FBXO42: variants seen among roughly 807,000 people sequenced by gnomAD.
FBXO42 encodes F-box only protein 42.
FBXO42 carries 12 observed loss-of-function variants against 71.7 expected under a neutral mutation model. The observed-to-expected ratio is 0.17, with a 90% CI of 0.11 to 0.27. FBXO42 has a LOEUF of 0.27. Ranked by LOEUF, FBXO42 falls within the 10% of genes least tolerant of loss-of-function variation. FBXO42 has a pLI of 1.00. For missense variants in FBXO42, 707 were observed against 911.9 expected, an observed-to-expected ratio of 0.78 and a Z score of 2.89; for synonymous variants, 325 against 327.5, an observed-to-expected ratio of 0.99 and a Z score of 0.08.
intron 4 of FBXO42, among the ~76,000 whole-genome samples, chr1:16,275,877 G>A (rs1397662306): frequency 6.6e-6 from 1 of 151,858 alleles, no homozygotes; most frequent in Non-Finnish European, 1.5e-5. Context: ...GTGGTGGTAC[G>A]TGCTTGTAAT....
At chr1:16,302,061 C>T (rs1264658827) in intron 3 of FBXO42, among the ~76,000 whole-genome samples, 1 of 152,044 alleles carries the variant, frequency 6.6e-6, no homozygotes, top group African/African-American at 2.4e-5. Flanking sequence ...CTCTCTCACA[C>T]AGATAATAAT....
intron 1 of FBXO42, among the ~76,000 whole-genome samples, chr1:16,326,040 G>GTGTGTGTGTGTGTGTGTGTC (rs766515532): frequency 1.1e-3 from 171 of 150,240 alleles, no homozygotes; most frequent in Non-Finnish European, 1.6e-3. Flanking sequence ...GTGTGTGTGT[G>GTGTGTGTGTGTGTGTGTGTC]TGTGTGTGTC....
rs1405266613 is a variant in FBXO42 at position 16,248,509 on chromosome 1, G to C, written c.*2161C>G. On this transcript the variant is annotated 3_prime_UTR_variant, in exon 10 of 10. Transcript: ENST00000375592. ...AGGAAGGCCACAGGACTAAGGGAAAGACTGTAAGGTTGAGATTCTGTACTT... is the reference window on the plus strand; with the variant it reads ...AGGAAGGCCACAGGACTAAGGGAAACACTGTAAGGTTGAGATTCTGTACTT... The C allele has an allele frequency of 6.6e-6, 1 of 152,186 alleles. No homozygotes were observed. Among genetic ancestry groups the C allele is most frequent in the Non-Finnish European group, 1.5e-5 (1 of 68,038 alleles). 9.4% of individuals were successfully genotyped at this position (152,186 alleles called of 1,614,324 possible).
chr1:16,306,695 TTTTG>T (rs947054878), intron 2 of FBXO42, among the ~76,000 whole-genome samples: 32 of 151,770 alleles, frequency 2.1e-4, no homozygotes, highest in Admixed American at 1.9e-3. Flanking sequence ...ATTGATTATG[TTTTG>T]TTTATTTATT....
At position 16,251,899 on chromosome 1, in the gene FBXO42, A is replaced by G. The variant is rs2081596188; in HGVS notation, c.1039-114T>C. 6.0e-6 allele frequency: 8 copies of G among 1,323,752 alleles called. No individual in the cohort carries two copies. Among genetic ancestry groups the G allele is most frequent in the Non-Finnish European group, 8.2e-6 (8 of 978,202 alleles). The allele number at this position is 1,323,752 out of a possible 1,614,324, so 82.0% of individuals were successfully genotyped here. On this transcript the variant is annotated intron_variant, in intron 9 of 9. Transcript: ENST00000375592. This position sits in a 1 kb window ranked among gnomAD's most constrained non-coding sequence, Gnocchi z 4.5. ...GTGCCAGACATTTTGTAGGTACCTG[A>G]GATATGAAGATGAAAATGATGTAGT...
At chr1:16,290,719 A>T (rs745377335) in intron 4 of FBXO42, among the ~76,000 whole-genome samples, 2 of 150,446 alleles carry the variant, frequency 1.3e-5, no homozygotes, top group Non-Finnish European at 3.0e-5. Flanking sequence ...GCCAGAGCTC[A>T]CTCTCTGCTA....
chr1:16,336,643 C>T (rs1258869219), intron 1 of FBXO42, among the ~76,000 whole-genome samples: 1 of 151,804 alleles, frequency 6.6e-6, no homozygotes, highest in African/African-American at 2.4e-5. Context: ...AGGCATGAGC[C>T]ACTGTCCCTA....
At chr1:16,291,155 CCCTCCCCT>C (rs2082073460) in intron 4 of FBXO42, among the ~76,000 whole-genome samples, 1 of 152,140 alleles carries the variant, frequency 6.6e-6, no homozygotes, top group African/African-American at 2.4e-5. Context: ...ACTGACAGTG[CCCTCCCCT>C]CAGTCACCCT....
At chr1:16,260,781 T>C (rs554939798) in intron 4 of FBXO42, among the ~76,000 whole-genome samples, 1 of 152,256 alleles carries the variant, frequency 6.6e-6, no homozygotes, top group South Asian at 2.1e-4. Context: ...CTCACTGCAC[T>C]TCTGACCTCC....
chr1:16,309,033 A>T (rs1391276916), intron 2 of FBXO42, among the ~76,000 whole-genome samples: 7 of 101,884 alleles, frequency 6.9e-5, no homozygotes, highest in African/African-American at 2.3e-4. Flanking sequence ...GTGAGCCACC[A>T]TGCCAGGCCG....
chr1:16,310,545 T>C (rs1282703178), intron 2 of FBXO42, among the ~76,000 whole-genome samples: 1 of 151,894 alleles, frequency 6.6e-6, no homozygotes, highest in Non-Finnish European at 1.5e-5. Flanking sequence ...CCAAAATAAC[T>C]GATAAGCCAG....
chr1:16,350,749 A>AGAAAGACAAGAAAGACAAAGAAAGAC (rs148379808), intron 1 of FBXO42, among the ~76,000 whole-genome samples: 1 of 48,118 alleles, frequency 2.1e-5, no homozygotes, highest in Non-Finnish European at 3.6e-5. Context: ...ACTGCAAAAA[A>AGAAAGACAAGAAAGACAAAGAAAGAC]AAAAAAAAAA....
chr1:16,324,772 C>T (rs897087205), intron 1 of FBXO42, among the ~76,000 whole-genome samples: 5 of 151,484 alleles, frequency 3.3e-5, no homozygotes, highest in East Asian at 2.0e-4. Flanking sequence ...GCCAAGATCG[C>T]GCAACTACAC....
At chr1:16,309,555 G>C (rs1250331693) in intron 2 of FBXO42, among the ~76,000 whole-genome samples, 1 of 152,068 alleles carries the variant, frequency 6.6e-6, no homozygotes, top group Non-Finnish European at 1.5e-5. Context: ...AGAAGACCTT[G>C]ACTTTGGGGA....
chr1:16,315,034 A>G (rs1447317140), intron 2 of FBXO42, 135 bp downstream of exon 2: 4 of 897,802 alleles, frequency 4.5e-6, no homozygotes, highest in Non-Finnish European at 6.6e-6. Flanking sequence ...AAGAAAGAAA[A>G]CCGGGTAGTA....
At chr1:16,321,295 C>T (rs1196011751) in intron 1 of FBXO42, among the ~76,000 whole-genome samples, 1 of 152,156 alleles carries the variant, frequency 6.6e-6, no homozygotes, top group Non-Finnish European at 1.5e-5. Context: ...TAATTACATG[C>T]CCAACACCAA....
intron 4 of FBXO42, among the ~76,000 whole-genome samples, chr1:16,268,905 A>G (rs1177429592): frequency 9.3e-5 from 14 of 150,564 alleles, no homozygotes; most frequent in Non-Finnish European, 2.1e-4. Context: ...GAATTACTTG[A>G]ACCCGGGATT....
chr1:16,265,311 G>A (rs2081759197), intron 4 of FBXO42, among the ~76,000 whole-genome samples: 1 of 152,116 alleles, frequency 6.6e-6, no homozygotes, highest in Admixed American at 6.5e-5. Flanking sequence ...GGCTGGTCTC[G>A]AACTCCCAAC....
chr1:16,305,388 A>G (rs1265173957), intron 3 of FBXO42, among the ~76,000 whole-genome samples: 4 of 152,118 alleles, frequency 2.6e-5, no homozygotes, highest in Non-Finnish European at 5.9e-5. Flanking sequence ...ACTCCATTTC[A>G]AAATAAATAA....
Sources: allele counts gnomAD v4.1 joint callset (sites outside exome capture counted in the v4.1 genomes callset), GRCh38; gene constraint gnomAD v4.1.1; non-coding constraint Gnocchi (gnomAD v3.1); transcripts MANE v1.5; gene names NCBI Gene and HGNC (gene_info 2026-07-23, HGNC 2026-07-21).